The following CHRDL1 variants were observed in gnomAD, a reference collection of about 807,000 sequenced individuals.
CHRDL1 encodes chordin like 1, also known as chordin-like protein 1.
CHRDL1 carries 19 observed loss-of-function variants against 40.9 expected under a neutral mutation model. That is an observed-to-expected ratio of 0.46 (90% CI 0.32 to 0.68). The LOEUF is 0.68. Among genes scored for constraint, CHRDL1 ranks in the 30% least tolerant of loss-of-function variants. The probability of loss-of-function intolerance (pLI) is 0.03; values close to 1 mark genes in which losing one functional copy is unlikely to be tolerated. For missense variants in CHRDL1, 329 were observed against 352.1 expected (o/e 0.93, Z 0.53); for synonymous variants, 136 against 123.4 (o/e 1.10, Z -0.68).
chrX:110,679,610 T>C (rs1441846691), intron 10 of CHRDL1, among the ~76,000 whole-genome samples, 185 bp from the exon 11 acceptor site: 3 of 112,133 alleles, frequency 2.7e-5, no homozygotes, highest in Non-Finnish European at 5.6e-5. Flanking sequence ...TCCATTTGTT[T>C]CCTTGGCTTA....
chrX:110,678,751 A>G (rs949877512), intron 11 of CHRDL1, among the ~76,000 whole-genome samples: 1 of 110,812 alleles, frequency 9.0e-6, no homozygotes, highest in African/African-American at 3.3e-5. Flanking sequence ...TTATCCCATT[A>G]GAAGTGCTCA....
At chrX:110,753,120 G>A (rs1423067088) in intron 4 of CHRDL1, among the ~76,000 whole-genome samples, 1 of 112,081 alleles carries the variant, frequency 8.9e-6, no homozygotes, top group Non-Finnish European at 1.9e-5. Context: ...CCGTAGCAGC[G>A]TTATTCACAA....
At position 110,728,162 on chromosome X, in the gene CHRDL1, CT is replaced by C. The variant is rs376284920; in HGVS notation, c.302-6633del. ...TATTTGCTTACATTTTCATAAAAAT[CT>C]GGAAAGATATATAACCACTAAAAGT... On this transcript the variant is annotated intron_variant, in intron 4 of 11. Transcript: ENST00000372042. 3.6e-3 allele frequency among the ~76,000 whole-genome samples: 397 copies of C among 108,896 alleles called. 2 individuals are homozygous for C. The highest frequency in any genetic ancestry group is 0.013 in the African/African-American group (377 of 30,007). 94.6% of individuals were successfully genotyped at this position (108,896 alleles called of 115,157 possible). A position where few individuals can be genotyped will look rare whatever the true frequency, so the allele number is the denominator to read the frequency against.
At chrX:110,792,315 A>AT (rs60130395) in intron 1 of CHRDL1, 100 bp from the exon 2 acceptor site, 2 of 409,405 alleles carry the variant, frequency 4.9e-6, no homozygotes, top group East Asian at 8.4e-5. Context: ...TAAAAAAAAA[A>AT]TGTCCTAGAA....
chrX:110,687,907 T>C (rs1417795123), intron 9 of CHRDL1, among the ~76,000 whole-genome samples: 1 of 112,067 alleles, frequency 8.9e-6, no homozygotes, highest in Non-Finnish European at 1.9e-5. Flanking sequence ...CAATATTTTC[T>C]ACTGGCATAG....
At chrX:110,679,206 A>G in intron 11 of CHRDL1, 130 bp downstream of exon 11, 1 of 504,134 alleles carries the variant, frequency 2.0e-6, no homozygotes, top group Non-Finnish European at 3.5e-6. Context: ...AGAGAGATGG[A>G]ACATCCTTTA....
At chrX:110,784,273 T>C (rs749449793) in intron 2 of CHRDL1, among the ~76,000 whole-genome samples, 1 of 112,080 alleles carries the variant, frequency 8.9e-6, no homozygotes, top group East Asian at 2.8e-4. Flanking sequence ...TAAGACTTCA[T>C]TTCCAGCCTG....
intron 7 of CHRDL1, among the ~76,000 whole-genome samples, chrX:110,698,760 T>C (rs141165475): frequency 0.049 from 5,472 of 112,329 alleles, 400 homozygotes; most frequent in African/African-American, 0.17. Context: ...ATTCATGGCA[T>C]TACCAGCAAG....
intron 4 of CHRDL1, among the ~76,000 whole-genome samples, chrX:110,738,392 T>C (rs1219490903): frequency 8.9e-6 from 1 of 111,944 alleles, no homozygotes; most frequent in Non-Finnish European, 1.9e-5. Flanking sequence ...GCCTTATTTT[T>C]TTCTCCTGTT....
intron 4 of CHRDL1, among the ~76,000 whole-genome samples, chrX:110,730,809 C>CA (rs1188190420): frequency 9.0e-6 from 1 of 111,725 alleles, no homozygotes; most frequent in Non-Finnish European, 1.9e-5. Flanking sequence ...AATTGCTAAA[C>CA]AAAAGTAATT....
In CHRDL1 at chrX:110,674,871, T is replaced by C. The variant is rs1603096672; in HGVS notation, c.*1360A>G. The C allele has an allele frequency of 8.9e-6, 1 of 112,198 alleles. No homozygotes were observed. Among genetic ancestry groups the C allele is most frequent in the South Asian group, 3.7e-4 (1 of 2,707 alleles). The allele number at this position is 112,198 out of a possible 1,213,427, so 9.2% of individuals were successfully genotyped here. On this transcript the variant is annotated 3_prime_UTR_variant, in exon 12 of 12. Transcript: ENST00000372042. ...GAATTAGGTCTTCCCACAAAGATGA[T>C]TTCTAAAGCCAGACCCCAGAATGGA...
chrX:110,717,470 C>A (rs1055840388), intron 6 of CHRDL1, among the ~76,000 whole-genome samples: 1 of 111,673 alleles, frequency 9.0e-6, no homozygotes, highest in Non-Finnish European at 1.9e-5. Flanking sequence ...TGAGTGGCGA[C>A]AGGGAGTCAT....
chrX:110,760,391 A>G (rs2089542960), intron 3 of CHRDL1, among the ~76,000 whole-genome samples: 1 of 112,694 alleles, frequency 8.9e-6, no homozygotes, highest in African/African-American at 3.2e-5. Flanking sequence ...AACCATTTCT[A>G]GAACAAAGAC....
intron 2 of CHRDL1, among the ~76,000 whole-genome samples, chrX:110,765,828 A>G (rs1221215272): frequency 8.9e-6 from 1 of 112,075 alleles, no homozygotes; most frequent in Non-Finnish European, 1.9e-5. Flanking sequence ...GATTTAAACT[A>G]TACCTTGGAA....
chrX:110,778,593 C>CA (rs1279717356), intron 2 of CHRDL1, among the ~76,000 whole-genome samples: 1 of 111,105 alleles, frequency 9.0e-6, no homozygotes, highest in Non-Finnish European at 1.9e-5. Flanking sequence ...ACTAAAAAGT[C>CA]AAAAAATAAC....
chrX:110,678,748 A>C (rs192759204), intron 11 of CHRDL1, among the ~76,000 whole-genome samples: 88 of 110,517 alleles, frequency 8.0e-4, no homozygotes, highest in East Asian at 5.7e-3. Context: ...CTTTTATCCC[A>C]TTAGAAGTGC....
chrX:110,689,460 A>ATATATATC lies in CHRDL1; in HGVS notation c.779-665_779-658dup, dbSNP rs1209955497. 2.9e-4 allele frequency among the ~76,000 whole-genome samples: 15 copies of ATATATATC among 52,419 alleles called. 1 individual carries two copies. The East Asian group carries it at 3.2e-3, about 11-fold the overall frequency. The allele number at this position is 52,419 out of a possible 115,157, so 45.5% of individuals were successfully genotyped here. A position where few individuals can be genotyped will look rare whatever the true frequency, so the allele number is the denominator to read the frequency against. On this transcript the variant is annotated intron_variant, in intron 8 of 11. Coordinates refer to ENST00000372042, the MANE Select transcript of CHRDL1 (RefSeq NM_001143981.2). ...TATATCTATATATATCTATATATCTATATATATCTATATATCTATATATCT... is the reference window on the plus strand; with the variant it reads ...TATATCTATATATATCTATATATCTATATATATCTATATATCTATATATCTATATATCT...
At chrX:110,765,523 T>A (rs1366425493) in intron 2 of CHRDL1, among the ~76,000 whole-genome samples, 1 of 111,947 alleles carries the variant, frequency 8.9e-6, no homozygotes, top group Non-Finnish European at 1.9e-5. Flanking sequence ...TACATGTGGC[T>A]TGCCAGTTAT....
intron 4 of CHRDL1, among the ~76,000 whole-genome samples, chrX:110,739,305 A>T (rs1392485357): frequency 8.9e-6 from 1 of 111,876 alleles, no homozygotes; most frequent in Non-Finnish European, 1.9e-5. Flanking sequence ...CATTAAACCC[A>T]TCTCCATCCT....
Sources: gnomAD v4.1 joint callset for allele counts (sites outside exome capture counted in the v4.1 genomes callset) on GRCh38, gnomAD v4.1.1 for gene constraint, MANE v1.5 for transcripts, NCBI Gene and HGNC (gene_info 2026-07-23, HGNC 2026-07-21) for gene names.